The following SEMA6D variants were observed in gnomAD, a reference collection of about 807,000 sequenced individuals.
SEMA6D encodes the protein semaphorin-6D.
A neutral mutation model predicts 106.6 loss-of-function variants in SEMA6D; 35 were observed. The observed-to-expected ratio is 0.33, with a 90% CI of 0.25 to 0.44. The LOEUF (loss-of-function observed/expected upper bound fraction) is 0.44. SEMA6D is among the 20% of genes least tolerant of loss of function. SEMA6D has a pLI of 1.00. For synonymous variants in SEMA6D, 499 were observed against 487.7 expected (o/e 1.02, Z -0.31); for missense variants, 1,185 against 1,345.9 (o/e 0.88, Z 1.87).
At chr15:47,485,567 C>G (rs1219147476) in intron 3 of SEMA6D, among the ~76,000 whole-genome samples, 4 of 152,144 alleles carry the variant, frequency 2.6e-5, no homozygotes, top group African/African-American at 9.7e-5. Flanking sequence ...ACAGTTATGG[C>G]AGGCTCCATT....
At chr15:47,549,169 A>G (rs1305501629) in intron 3 of SEMA6D, among the ~76,000 whole-genome samples, 1 of 152,178 alleles carries the variant, frequency 6.6e-6, no homozygotes, top group Non-Finnish European at 1.5e-5. Flanking sequence ...CACCTGACAA[A>G]GAAAACAGAT....
intron 1 of SEMA6D, among the ~76,000 whole-genome samples, chr15:47,304,961 A>G (rs564835171): frequency 3.3e-5 from 5 of 152,336 alleles, no homozygotes; most frequent in African/African-American, 1.2e-4. Context: ...ATCTCTATTC[A>G]TACTTAGATG....
chr15:47,454,035 T>G (rs2042269829), intron 2 of SEMA6D, among the ~76,000 whole-genome samples: 1 of 151,846 alleles, frequency 6.6e-6, no homozygotes, highest in Non-Finnish European at 1.5e-5. Context: ...ATCCAGCTAG[T>G]GTTGTGAGTG....
intron 1 of SEMA6D, among the ~76,000 whole-genome samples, chr15:47,251,323 C>T (rs1332678316): frequency 6.6e-6 from 1 of 152,132 alleles, no homozygotes; most frequent in Non-Finnish European, 1.5e-5. Flanking sequence ...CTGTATCTGT[C>T]GCCATGTAAG....
chr15:47,531,343 C>A (rs544880743), intron 3 of SEMA6D, among the ~76,000 whole-genome samples: 4 of 152,296 alleles, frequency 2.6e-5, no homozygotes, highest in Admixed American at 6.5e-5. Flanking sequence ...CTCATCATAA[C>A]CTCACTCTGC....
At chr15:47,431,843 G>A (rs4775685) in intron 2 of SEMA6D, among the ~76,000 whole-genome samples, 7,477 of 152,160 alleles carry the variant, frequency 0.049, 381 homozygotes, top group East Asian at 0.23. Context: ...AGATATCTTA[G>A]TGTTTCTGTT....
chr15:47,505,525 G>A (rs1032940323), intron 3 of SEMA6D, among the ~76,000 whole-genome samples: 2 of 152,180 alleles, frequency 1.3e-5, no homozygotes, highest in African/African-American at 2.4e-5. Flanking sequence ...TATGAGTACA[G>A]TATTAATGTA....
Position 47,774,215 on chromosome 15 carries a change from A to G in SEMA6D, c.*2430A>G, listed in dbSNP as rs2082746306. ...TGTAAAGTCAAAATAAAATATACAA[A>G]TCATTATATCCTGCCTCTTGATATT... On this transcript the variant is annotated 3_prime_UTR_variant, in exon 19 of 19. Transcript: ENST00000536845. 1 of 152,662 alleles carries G rather than the reference A, an allele frequency of 6.6e-6. No homozygotes were observed. Among genetic ancestry groups the G allele is most frequent in the Admixed American group, 6.5e-5 (1 of 15,278 alleles). 9.5% of individuals were successfully genotyped at this position (152,662 alleles called of 1,614,324 possible).
chr15:47,355,175 A>T (rs1294959576), intron 1 of SEMA6D, among the ~76,000 whole-genome samples: 2 of 152,166 alleles, frequency 1.3e-5, no homozygotes, highest in Admixed American at 6.5e-5. Flanking sequence ...TGGAGACAGA[A>T]GTTGGGGCAG....
rs74779121 is a variant in SEMA6D, at chr15:47,772,802, T to TCCCCC, written c.*1023_*1027dup. ...AGGTTTTATTTTGATTGTGTTCGTTTCCCCCCCCCCAATAGTAAAATTTCT... is the reference window on the plus strand; with the variant it reads ...AGGTTTTATTTTGATTGTGTTCGTTTCCCCCCCCCCCCCCCAATAGTAAAATTTCT... On this transcript the variant is annotated 3_prime_UTR_variant, in exon 19 of 19. Transcript: ENST00000536845. 1.8e-5 allele frequency: 2 copies of TCCCCC among 109,016 alleles called. No individual in the cohort carries two copies. The highest frequency in any genetic ancestry group is 3.6e-5 in the African/African-American group (1 of 27,412). 6.8% of individuals were successfully genotyped at this position (109,016 alleles called of 1,614,324 possible).
intron 2 of SEMA6D, among the ~76,000 whole-genome samples, chr15:47,439,975 GCCT>G (rs1361481968): frequency 5.9e-5 from 9 of 152,242 alleles, no homozygotes; most frequent in Non-Finnish European, 1.0e-4. Context: ...GGAAATGTCA[GCCT>G]CCAACATTTA....
At chr15:47,555,361 A>C (rs952124372) in intron 3 of SEMA6D, among the ~76,000 whole-genome samples, 1 of 152,180 alleles carries the variant, frequency 6.6e-6, no homozygotes, top group Admixed American at 6.5e-5. Context: ...AAGAGAACTC[A>C]TTCATGCCAT....
chr15:47,340,603 G>A (rs1011136485), intron 1 of SEMA6D, among the ~76,000 whole-genome samples: 2 of 152,148 alleles, frequency 1.3e-5, no homozygotes, highest in Non-Finnish European at 2.9e-5. Flanking sequence ...CTTTTTCCAA[G>A]GGTCTGATCT....
intron 2 of SEMA6D, among the ~76,000 whole-genome samples, chr15:47,412,889 T>TA (rs2040843106): frequency 6.6e-6 from 1 of 152,222 alleles, no homozygotes; most frequent in Admixed American, 6.5e-5. Context: ...TGGGTCCAGA[T>TA]ATTTGGTTTC....
At chr15:47,236,933 G>A (rs942382687) in intron 1 of SEMA6D, among the ~76,000 whole-genome samples, 1 of 152,098 alleles carries the variant, frequency 6.6e-6, no homozygotes, top group African/African-American at 2.4e-5. Context: ...GAAGGGATTT[G>A]TTTAGGCCTA....
chr15:47,721,917 A>G (rs2079444654), intron 1 of SEMA6D, among the ~76,000 whole-genome samples: 1 of 152,086 alleles, frequency 6.6e-6, no homozygotes. Context: ...TGCTGGCTCT[A>G]TCACCATTTG....
At chr15:47,758,991 G>A (rs961103486) in intron 1 of SEMA6D, among the ~76,000 whole-genome samples, 1 of 152,172 alleles carries the variant, frequency 6.6e-6, no homozygotes, top group South Asian at 2.1e-4. Context: ...AAGGACCGGT[G>A]TACTTAGGGT....
intron 1 of SEMA6D, among the ~76,000 whole-genome samples, chr15:47,314,348 C>T (rs7181880): frequency 0.058 from 8,733 of 151,730 alleles, 696 homozygotes; most frequent in African/African-American, 0.18. Flanking sequence ...CCTGTAATCC[C>T]AGCACTTTGG....
At chr15:47,315,519 G>A (rs1018655870) in intron 1 of SEMA6D, among the ~76,000 whole-genome samples, 9 of 152,210 alleles carry the variant, frequency 5.9e-5, no homozygotes, top group Non-Finnish European at 4.4e-5. Flanking sequence ...AAGTCTAGAA[G>A]TTGGTCGGTG....
Sources: gnomAD v4.1 joint callset for allele counts (sites outside exome capture counted in the v4.1 genomes callset) on GRCh38, gnomAD v4.1.1 for gene constraint, MANE v1.5 for transcripts, NCBI Gene and HGNC (gene_info 2026-07-23, HGNC 2026-07-21) for gene names.